TEX14: variants seen among roughly 807,000 people sequenced by gnomAD.
TEX14 encodes the protein inactive serine/threonine-protein kinase TEX14.
TEX14 carries 168 observed loss-of-function variants against 178.6 expected under a neutral mutation model. The observed-to-expected ratio is 0.94, with a 90% confidence interval of 0.83 to 1.07. TEX14 has a LOEUF of 1.07. TEX14 is among the 50% of genes least tolerant of loss of function. The probability of loss-of-function intolerance (pLI) is 0.00; values close to 1 mark genes in which losing one functional copy is unlikely to be tolerated. For synonymous variants in TEX14, 626 were observed against 634.1 expected, an observed-to-expected ratio of 0.99 and a Z score of 0.19; for missense variants, 1,730 against 1,753.6, an observed-to-expected ratio of 0.99 and a Z score of 0.24.
chr17:58,670,906 C>T (rs2047295295), intron 1 of TEX14, among the ~76,000 whole-genome samples: 2 of 151,474 alleles, frequency 1.3e-5, no homozygotes, highest in African/African-American at 2.4e-5. Context: ...TATTAATTAG[C>T]TCCCTGTAGC....
At chr17:58,558,703 C>A (rs1269659540) in intron 30 of TEX14, among the ~76,000 whole-genome samples, 1 of 152,088 alleles carries the variant, frequency 6.6e-6, no homozygotes, top group Non-Finnish European at 1.5e-5. Flanking sequence ...TTGTAAAGGG[C>A]ATATCAGAAG....
intron 1 of TEX14, among the ~76,000 whole-genome samples, chr17:58,683,549 G>C (rs1289244930): frequency 2.1e-5 from 3 of 140,902 alleles, no homozygotes; most frequent in Non-Finnish European, 3.1e-5. Flanking sequence ...GATAACCTGA[G>C]GTCAGGAGTT....
intron 27 of TEX14, 27 bp from the exon 28 acceptor site, chr17:58,564,995 T>C: frequency 1.4e-6 from 2 of 1,440,480 alleles, no homozygotes; most frequent in Non-Finnish European, 9.5e-7. Context: ...GAATTAACTT[T>C]ATTAGAACGA....
rs1220778074 is a variant in TEX14, at chr17:58,622,963, T to G, written c.301A>C (p.Asn101His). Residue 101 changes from asparagine (N) to histidine (H), a missense_variant, in exon 4 of 32, where the codon AAT becomes CAT. Asn to His is a moderately conservative substitution (Grantham distance 68, BLOSUM62 1). Coordinates refer to ENST00000349033, the MANE Select transcript of TEX14 (RefSeq NM_031272.5). Reference sequence around the variant, plus strand: ...AGCAGTTTGCTAAGGATCCACTGATTGCCCGAAAATGCTGCTGCATGGACA... The same window carrying G: ...AGCAGTTTGCTAAGGATCCACTGATGGCCCGAAAATGCTGCTGCATGGACA... ...TPVHAAAFSG[N>H]QWILSKLLDA... The G allele has an allele frequency of 2.5e-6, 4 of 1,610,918 alleles. No individual in the cohort carries two copies. In the African/African-American group the frequency reaches 5.3e-5, roughly 22 times the overall value.
intron 3 of TEX14, among the ~76,000 whole-genome samples, chr17:58,624,344 T>TG (rs1430381450): frequency 1.3e-5 from 2 of 148,622 alleles, no homozygotes; most frequent in East Asian, 3.9e-4. Flanking sequence ...TTCTTTTCTT[T>TG]TTTTTTTTTT....
At chr17:58,690,742 T>G (rs12946522) in intron 1 of TEX14, among the ~76,000 whole-genome samples, 26,093 of 152,134 alleles carry the variant, frequency 0.17, 2,369 homozygotes, top group Non-Finnish European at 0.19. Context: ...AGACTTTCTT[T>G]GACCTACCAA....
Position 58,587,926 on chromosome 17 carries a change from G to A in TEX14, c.2672C>T (p.Ala891Val). ...TLSSHRQGPS[A>V]SPSCHWDSTR... ...AGAGTCCCAGTGACAGCTGGGTGAT[G>A]CAGAAGGTCCCTGCCGGTGGCTTGA... Residue 891 changes from alanine to valine, a missense_variant, in exon 16 of 32, where the codon GCA becomes GTA. Around this residue, in one of 2 missense-constraint regions of TEX14, gnomAD observed 941 missense variants for 1,072.4 expected, o/e 0.88. Transcript: ENST00000349033. The A allele has an allele frequency of 6.2e-7, 1 of 1,602,310 alleles. No homozygotes were observed. Among genetic ancestry groups the A allele is most frequent in the Non-Finnish European group, 8.5e-7 (1 of 1,172,602 alleles).
chr17:58,674,188 A>AT (rs1331627684), intron 1 of TEX14, among the ~76,000 whole-genome samples: 1 of 151,794 alleles, frequency 6.6e-6, no homozygotes, highest in East Asian at 1.9e-4. Flanking sequence ...AGGCAGGGGA[A>AT]TTGCTTGAAC....
intron 1 of TEX14, among the ~76,000 whole-genome samples, chr17:58,671,956 A>C (rs1428771894): frequency 6.6e-6 from 1 of 151,984 alleles, no homozygotes; most frequent in Non-Finnish European, 1.5e-5. Context: ...AGAGGCTCCC[A>C]AACTTTTTGG....
chr17:58,577,361 A>G lies in TEX14; in HGVS notation c.3320+14T>C, dbSNP rs949461972. On this transcript the variant is annotated intron_variant, in intron 21 of 31. Transcript: ENST00000349033. ...TATGAGTTTGAAACTGCATAAGATAATAATAGCCCATACCTTCGTACAGGT... is the reference window on the plus strand; with the variant it reads ...TATGAGTTTGAAACTGCATAAGATAGTAATAGCCCATACCTTCGTACAGGT... 1.1e-5 allele frequency: 13 copies of G among 1,211,852 alleles called. No individual in the cohort carries two copies. Among genetic ancestry groups the G allele is most frequent in the Non-Finnish European group, 1.4e-5 (12 of 876,148 alleles). 75.1% of individuals were successfully genotyped at this position (1,211,852 alleles called of 1,614,324 possible).
intron 1 of TEX14, among the ~76,000 whole-genome samples, chr17:58,659,176 ACTACCAC>A (rs1257777068): frequency 1.3e-5 from 2 of 152,112 alleles, no homozygotes; most frequent in Non-Finnish European, 2.9e-5. Context: ...GCAGTCCCCC[ACTACCAC>A]AAGTTATGCA....
chr17:58,592,379 G>C (rs190774248), intron 15 of TEX14, among the ~76,000 whole-genome samples: 1 of 150,134 alleles, frequency 6.7e-6, no homozygotes, highest in African/African-American at 2.5e-5. Flanking sequence ...CTATCGCCCA[G>C]GCTGGACTGC....
intron 1 of TEX14, among the ~76,000 whole-genome samples, chr17:58,680,960 C>T (rs2047491008): frequency 6.6e-6 from 1 of 152,082 alleles, no homozygotes; most frequent in South Asian, 2.1e-4. Flanking sequence ...GGTTTTCCAT[C>T]TTTACAAAAG....
At chr17:58,591,479 T>C (rs1055424286) in intron 15 of TEX14, among the ~76,000 whole-genome samples, 2 of 151,734 alleles carry the variant, frequency 1.3e-5, no homozygotes, top group Non-Finnish European at 2.9e-5. Flanking sequence ...TATCGCGCCA[T>C]TGCACTCCAG....
intron 3 of TEX14, among the ~76,000 whole-genome samples, chr17:58,626,131 G>GC (rs969008024): frequency 6.6e-6 from 1 of 151,970 alleles, no homozygotes; most frequent in Non-Finnish European, 1.5e-5. Flanking sequence ...TCCCTTTCCT[G>GC]CCCCCCTTTC....
intron 10 of TEX14, 94 bp from the exon 11 acceptor site, chr17:58,605,223 G>C: frequency 7.1e-7 from 1 of 1,413,138 alleles, no homozygotes; most frequent in Non-Finnish European, 9.6e-7. Context: ...TCAGAGTCTT[G>C]CCCTGTCACC....
chr17:58,630,248 G>A (rs1488532407), intron 3 of TEX14, among the ~76,000 whole-genome samples, 192 bp downstream of exon 3: 4 of 146,904 alleles, frequency 2.7e-5, no homozygotes, highest in Non-Finnish European at 6.1e-5. Flanking sequence ...AGTAGAGGCA[G>A]GGTTTCACCA....
chr17:58,565,027 C>A, intron 27 of TEX14, 59 bp from the exon 28 acceptor site: 1 of 1,170,816 alleles, frequency 8.5e-7, no homozygotes, highest in Non-Finnish European at 1.2e-6. Context: ...AGAAAGCTTG[C>A]CTTAAAATAG....
chr17:58,677,317 C>CTGAGT (rs1240370770), intron 1 of TEX14, among the ~76,000 whole-genome samples: 3 of 152,024 alleles, frequency 2.0e-5, no homozygotes, highest in African/African-American at 7.2e-5. Flanking sequence ...GAAATCCTTC[C>CTGAGT]TGAGTTTGAT....
Sources: gnomAD v4.1 joint callset for allele counts (sites outside exome capture counted in the v4.1 genomes callset) on GRCh38, gnomAD v4.1.1 for gene constraint, gnomAD v4.1.1 regional missense constraint, MANE v1.5 for transcripts, NCBI Gene and HGNC (gene_info 2026-07-23, HGNC 2026-07-21) for gene names.